The following DEPDC7 variants were observed in gnomAD, a reference collection of about 807,000 sequenced individuals.
DEPDC7 encodes DEP domain containing 7.
In DEPDC7, 41 loss-of-function variants were observed where a neutral mutation model predicts 56.6. The observed-to-expected ratio is 0.72, with a 90% CI of 0.56 to 0.94. The LOEUF is 0.94. DEPDC7 is among the 40% of genes least tolerant of loss of function. The probability of loss-of-function intolerance (pLI) is 0.00; values close to 1 mark genes in which losing one functional copy is unlikely to be tolerated. For synonymous variants in DEPDC7, 185 were observed against 208.8 expected, an observed-to-expected ratio of 0.89 and a Z score of 0.98; for missense variants, 522 against 596.3, an observed-to-expected ratio of 0.88 and a Z score of 1.30.
At chr11:33,016,449 C>A in intron 1 of DEPDC7, 1 of 1,588,208 alleles carries the variant, frequency 6.3e-7, no homozygotes, top group Admixed American at 1.8e-5. Flanking sequence ...CACAGTATGG[C>A]CAGGGGCCGA....
At chr11:33,023,560 G>T (rs1384850788) in intron 1 of DEPDC7, among the ~76,000 whole-genome samples, 1 of 151,958 alleles carries the variant, frequency 6.6e-6, no homozygotes, top group Non-Finnish European at 1.5e-5. Context: ...ATTAGACGGA[G>T]TCTTGCTTTG....
chr11:33,016,107 G>A (rs1853455991), intron 1 of DEPDC7, 79 bp downstream of exon 1: 1 of 1,261,052 alleles, frequency 7.9e-7, no homozygotes, highest in East Asian at 3.3e-5. Context: ...CGGGGCGGGC[G>A]GCGTGGGGCG....
intron 1 of DEPDC7, 185 bp downstream of exon 1, chr11:33,016,213 C>T: frequency 7.8e-7 from 1 of 1,288,946 alleles, no homozygotes. Flanking sequence ...GATCGAGTTC[C>T]TCTCTGGCTG....
intron 1 of DEPDC7, among the ~76,000 whole-genome samples, chr11:33,018,235 T>C (rs1330710256): frequency 6.6e-6 from 1 of 152,216 alleles, no homozygotes; most frequent in African/African-American, 2.4e-5. Flanking sequence ...ATTTTTCCAC[T>C]CAGTCACAAC....
chr11:33,016,203 G>C, intron 1 of DEPDC7, 175 bp downstream of exon 1: 2 of 1,278,412 alleles, frequency 1.6e-6, no homozygotes, highest in Non-Finnish European at 2.0e-6. Flanking sequence ...CGAGCGGGCG[G>C]ATCGAGTTCC....
At chr11:33,029,510 A>C (rs899657698) in intron 4 of DEPDC7, among the ~76,000 whole-genome samples, 5 of 144,614 alleles carry the variant, frequency 3.5e-5, no homozygotes, top group Non-Finnish European at 7.6e-5. Flanking sequence ...AAAAAAAAAA[A>C]ATGAAAGTAA....
intron 4 of DEPDC7, among the ~76,000 whole-genome samples, chr11:33,029,911 G>A (rs1281942840): frequency 6.6e-6 from 1 of 152,156 alleles, no homozygotes; most frequent in Non-Finnish European, 1.5e-5. Context: ...GAATTCTGCA[G>A]ATATAACACA....
At chr11:33,018,884 T>C (rs1853493996) in intron 1 of DEPDC7, among the ~76,000 whole-genome samples, 1 of 152,236 alleles carries the variant, frequency 6.6e-6, no homozygotes, top group Non-Finnish European at 1.5e-5. Context: ...CTTTTGTTTT[T>C]AGTGATACAT....
In DEPDC7 at chr11:33,025,778, T is replaced by C. The variant is rs752126886; in HGVS notation, c.193T>C (p.Cys65Arg). Residue 65 changes from cysteine to arginine, a missense_variant, in exon 2 of 9, where the codon TGC (cysteine) becomes CGC (arginine). Coordinates refer to ENST00000241051, the MANE Select transcript of DEPDC7 (RefSeq NM_001077242.2). ...GCACCGTTTAAAACGACATAATGAC[T>C]GCTTTGTTGGTTCAGAAGCTGTGGA... ...RRHRLKRHND[C>R]FVGSEAVDVI... 6.2e-7 allele frequency: 1 copy of C among 1,614,196 alleles called. No homozygotes were observed. The highest frequency in any genetic ancestry group is 8.5e-7 in the Non-Finnish European group (1 of 1,180,036).
intron 4 of DEPDC7, 38 bp from the exon 5 acceptor site, chr11:33,031,340 C>G (rs553969550): frequency 1.3e-6 from 2 of 1,488,838 alleles, no homozygotes; most frequent in Admixed American, 3.4e-5. Flanking sequence ...AAATAATCTT[C>G]CCTTGCCTTT....
intron 1 of DEPDC7, chr11:33,016,298 G>T: frequency 7.1e-7 from 1 of 1,399,008 alleles, no homozygotes. Context: ...ACTTGACCGC[G>T]CGTTGGTCTG....
At chr11:33,022,092 A>C (rs949182059) in intron 1 of DEPDC7, among the ~76,000 whole-genome samples, 36 of 152,204 alleles carry the variant, frequency 2.4e-4, no homozygotes, top group African/African-American at 8.4e-4. Flanking sequence ...TATTATCACT[A>C]GTCCAAAAGT....
In DEPDC7 at chr11:33,032,881, T is replaced by C; in HGVS notation, c.1264-8T>C. On this transcript the variant is annotated splice_polypyrimidine_tract_variant and splice_region_variant and intron_variant, in intron 7 of 8. Transcript: ENST00000241051. ...GAATAATGTCCCATGTCCCTTCTTTTTCTTAAGATTCCTGGAACTCTACAT... is the reference window on the plus strand; with the variant it reads ...GAATAATGTCCCATGTCCCTTCTTTCTCTTAAGATTCCTGGAACTCTACAT... 6.3e-7 allele frequency: 1 copy of C among 1,597,792 alleles called. No homozygotes were observed. Among genetic ancestry groups the C allele is most frequent in the Non-Finnish European group, 8.5e-7 (1 of 1,173,440 alleles).
chr11:33,023,203 C>G (rs1257365137), intron 1 of DEPDC7, among the ~76,000 whole-genome samples: 5 of 149,988 alleles, frequency 3.3e-5, no homozygotes, highest in African/African-American at 1.2e-4. Context: ...GCACTCCAGC[C>G]TGGGTGACAG....
At chr11:33,025,250 T>C (rs1474581296) in intron 1 of DEPDC7, among the ~76,000 whole-genome samples, 4 of 152,220 alleles carry the variant, frequency 2.6e-5, no homozygotes, top group African/African-American at 9.6e-5. Flanking sequence ...TGCTTCTTGC[T>C]TCTTGGTTTT....
rs937192647 is a variant in DEPDC7 at position 33,031,456 on chromosome 11, C to T, written c.861C>T (p.Ser287=). ...AAATGGTGGTGGAAATAAGCAGAAG[C>T]TTTCCTGAGCAACCAGACCGAACAG... ...PDQMVVEISR[S]FPEQPDRTDL... The change falls in exon 5 of 9, where the codon AGC becomes AGT. Residue 287 remains serine, a synonymous_variant. Transcript: ENST00000241051. 1.2e-6 allele frequency: 2 copies of T among 1,614,158 alleles called. No individual in the cohort carries two copies. Among genetic ancestry groups the T allele is most frequent in the Non-Finnish European group, 1.7e-6 (2 of 1,180,010 alleles).
At position 33,028,597 on chromosome 11, in the gene DEPDC7, G is replaced by A; in HGVS notation, c.593-6G>A. On this transcript the variant is annotated splice_region_variant and splice_polypyrimidine_tract_variant and intron_variant, in intron 3 of 8. Coordinates refer to ENST00000241051, the MANE Select transcript of DEPDC7 (RefSeq NM_001077242.2). ...TACTTTTCACCTTGTCATTTTTCCTGTGTAGTTATTAATGAAGTGTGGCAA... is the reference window on the plus strand; with the variant it reads ...TACTTTTCACCTTGTCATTTTTCCTATGTAGTTATTAATGAAGTGTGGCAA... 6.3e-7 allele frequency: 1 copy of A among 1,580,328 alleles called. No homozygotes were observed. Among genetic ancestry groups the A allele is most frequent in the Non-Finnish European group, 8.6e-7 (1 of 1,167,822 alleles).
In DEPDC7 at chr11:33,032,734, A is replaced by G; in HGVS notation, c.1204A>G (p.Lys402Glu). 6.2e-7 allele frequency: 1 copy of G among 1,609,008 alleles called. No homozygotes were observed. ...TATTGTTGACAATAAAAATTTATCC[A>G]AAGGCAAAACAGATCTTCTGGTACT... ...KAIVDNKNLS[K>E]GKTDLLVLFL... The change falls in exon 7 of 9, where the codon AAA (lysine) becomes GAA (glutamate). Residue 402 changes from lysine (K) to glutamate (E), a missense_variant. By Grantham distance (56) the Lys-to-Glu change is moderately conservative. Transcript: ENST00000241051.
rs755743891 is a variant in DEPDC7, at chr11:33,015,942, G to T, written c.-14G>T. Reference sequence around the variant, plus strand: ...GAAGCTGCTGGAGGAGTTGGCGTCCGGGGAGCAAGGGCCATGGCCACCGTG... The same window carrying T: ...GAAGCTGCTGGAGGAGTTGGCGTCCTGGGAGCAAGGGCCATGGCCACCGTG... On this transcript the variant is annotated 5_prime_UTR_variant, in exon 1 of 9. Transcript: ENST00000241051. 2.5e-6 allele frequency: 4 copies of T among 1,569,058 alleles called. No homozygotes were observed. The South Asian group carries it at 3.5e-5, about 14-fold the overall frequency.
Sources: allele counts gnomAD v4.1 joint callset (sites outside exome capture counted in the v4.1 genomes callset), GRCh38; gene constraint gnomAD v4.1.1; transcripts MANE v1.5; gene names NCBI Gene and HGNC (gene_info 2026-07-23, HGNC 2026-07-21).